The following BECN2 variants were observed in gnomAD, a reference collection of about 807,000 sequenced individuals.
The protein encoded by BECN2 is beclin 2, also known as beclin-2.
For missense variants in BECN2, 428 were observed against 507.9 expected, an observed-to-expected ratio of 0.84 and a Z score of 1.51; for synonymous variants, 173 against 220.1, an observed-to-expected ratio of 0.79 and a Z score of 1.90.
At position 241,958,046 on chromosome 1, in the gene BECN2, A is replaced by G. The variant is rs1443434758; in HGVS notation, c.280A>G (p.Ser94Gly). The G allele has an allele frequency of 1.6e-6, 2 of 1,231,994 alleles. No individual in the cohort carries two copies. Among genetic ancestry groups the G allele is most frequent in the Non-Finnish European group, 1.0e-6 (1 of 988,230 alleles). 76.3% of individuals were successfully genotyped at this position (1,231,994 alleles called of 1,614,324 possible). Reference sequence around the variant, plus strand: ...GGAGCTTGGCGCCATGCACATGCTCAGTAGCATCCAGAAGGCAGCTGGTGA... The same window carrying G: ...GGAGCTTGGCGCCATGCACATGCTCGGTAGCATCCAGAAGGCAGCTGGTGA... ...LGELGAMHML[S>G]SIQKAAGDIF... The change falls in exon 1 of 1, where the codon AGT becomes GGT. Residue 94 changes from serine (S) to glycine (G), a missense_variant. Physicochemically the swap from Ser to Gly is moderately conservative, Grantham distance 56. Transcript: ENST00000419583.
At position 241,958,117 on chromosome 1, in the gene BECN2, G is replaced by T; in HGVS notation, c.351G>T (p.Leu117=). 8.1e-7 allele frequency: 1 copy of T among 1,231,992 alleles called. No homozygotes were observed. The highest frequency in any genetic ancestry group is 3.2e-5 in the East Asian group (1 of 31,718). 76.3% of individuals were successfully genotyped at this position (1,231,992 alleles called of 1,614,324 possible). ...VSGQAVVDHP[L]CEECTDSLLE... ...GCCAAGCAGTTGTGGACCATCCCCT[G>T]TGTGAAGAATGCACCGACAGTCTTT... The change falls in exon 1 of 1, where the codon CTG becomes CTT. Residue 117 remains leucine (L), a synonymous_variant. Transcript: ENST00000419583.
Position 241,958,525 on chromosome 1 carries a change from C to A in BECN2, c.759C>A (p.Thr253=). 1 of 1,231,690 alleles carries A rather than the reference C, an allele frequency of 8.1e-7. No individual in the cohort carries two copies. The highest frequency in any genetic ancestry group is 3.1e-4 in the Middle Eastern group (1 of 3,208). The allele number at this position is 1,231,690 out of a possible 1,614,324, so 76.3% of individuals were successfully genotyped here. ...GGCTGAAGGAAATCAACTGTTTCAC[C>A]GCCACGTTTGAGATCTGGGTGGAGG... ...RDRLKEINCF[T]ATFEIWVEGP... The change falls in exon 1 of 1, where the codon ACC becomes ACA. Residue 253 remains threonine (T), a synonymous_variant. Transcript: ENST00000419583.
rs1394753871 is a variant in BECN2 at position 241,958,762 on chromosome 1, G to C, written c.996G>C (p.Pro332=). Residue 332 remains proline (P), a synonymous_variant, in exon 1 of 1, where the codon CCG becomes CCC. Coordinates refer to ENST00000419583, the MANE Select transcript of BECN2 (RefSeq NM_001290693.1). Reference sequence around the variant, plus strand: ...TAACAGATGACCGCACTGAGCTGCCGTTGTTCTGTTATGGGGGGCAGGATG... The same window carrying C: ...TAACAGATGACCGCACTGAGCTGCCCTTGTTCTGTTATGGGGGGCAGGATG... The part of the protein sequence containing the change: ...KSLTDDRTEL[P]LFCYGGQDVF... 8.1e-7 allele frequency: 1 copy of C among 1,231,670 alleles called. No individual in the cohort carries two copies. The highest frequency in any genetic ancestry group is 4.2e-5 in the Admixed American group (1 of 23,678). The allele number at this position is 1,231,670 out of a possible 1,614,324, so 76.3% of individuals were successfully genotyped here.
At position 241,958,530 on chromosome 1, in the gene BECN2, C is replaced by A. The variant is rs1356611528; in HGVS notation, c.764C>A (p.Thr255Lys). The A allele has an allele frequency of 8.1e-7, 1 of 1,231,654 alleles. No individual in the cohort carries two copies. Among genetic ancestry groups the A allele is most frequent in the Non-Finnish European group, 1.0e-6 (1 of 988,036 alleles). 76.3% of individuals were successfully genotyped at this position (1,231,654 alleles called of 1,614,324 possible). Residue 255 changes from threonine (T) to lysine (K), a missense_variant, in exon 1 of 1, where the codon ACG (threonine) becomes AAG (lysine). By Grantham distance (78) the Thr-to-Lys change is moderately conservative. Transcript: ENST00000419583. ...AAGGAAATCAACTGTTTCACCGCCA[C>A]GTTTGAGATCTGGGTGGAGGGCCCC... Reference protein sequence around the residue: ...RLKEINCFTATFEIWVEGPLG... With the variant: ...RLKEINCFTAKFEIWVEGPLG...
Position 241,958,408 on chromosome 1 carries a change from C to G in BECN2, c.642C>G (p.Asp214Glu). The change falls in exon 1 of 1, where the codon GAC (aspartate) becomes GAG (glutamate). Residue 214 changes from aspartate to glutamate, a missense_variant. Physicochemically the swap from Asp to Glu is conservative, Grantham distance 45. Coordinates refer to ENST00000419583, the MANE Select transcript of BECN2 (RefSeq NM_001290693.1). The part of the protein sequence containing the change: ...LDQQERQHYR[D>E]YSALKRQQLE... ...AGCAGGAGAGGCAGCACTACAGGGA[C>G]TACAGTGCCTTGAAGCGGCAGCAGC... 8.1e-7 allele frequency: 1 copy of G among 1,232,096 alleles called. No homozygotes were observed. The highest frequency in any genetic ancestry group is 1.0e-6 in the Non-Finnish European group (1 of 988,248). The allele number at this position is 1,232,096 out of a possible 1,614,324, so 76.3% of individuals were successfully genotyped here.
Position 241,958,375 on chromosome 1 carries a change from G to C in BECN2, c.609G>C (p.Glu203Asp). ...AGGCAGCCCAGGCAGAGGCTGCGGA[G>C]CTGGACCAGCAGGAGAGGCAGCACT... Reference protein sequence around the residue: ...DLQAAQAEAAELDQQERQHYR... With the variant: ...DLQAAQAEAADLDQQERQHYR... Residue 203 changes from glutamate to aspartate, a missense_variant, in exon 1 of 1, where the codon GAG becomes GAC. Physicochemically the swap from Glu to Asp is conservative, Grantham distance 45. Transcript: ENST00000419583. The C allele has an allele frequency of 8.1e-7, 1 of 1,232,890 alleles. No homozygotes were observed. The highest frequency in any genetic ancestry group is 3.1e-4 in the Middle Eastern group (1 of 3,210). 76.4% of individuals were successfully genotyped at this position (1,232,890 alleles called of 1,614,324 possible).
chr1:241,958,402 C>T lies in BECN2; in HGVS notation c.636C>T (p.Tyr212=). Residue 212 remains tyrosine, a synonymous_variant, in exon 1 of 1, where the codon TAC becomes TAT. Coordinates refer to ENST00000419583, the MANE Select transcript of BECN2 (RefSeq NM_001290693.1). ...AELDQQERQH[Y]RDYSALKRQQ... The stretch of plus-strand genomic sequence containing the variant: ...TGGACCAGCAGGAGAGGCAGCACTA[C>T]AGGGACTACAGTGCCTTGAAGCGGC... 1 of 1,232,372 alleles carries T rather than the reference C, an allele frequency of 8.1e-7. No individual in the cohort carries two copies. The highest frequency in any genetic ancestry group is 1.0e-6 in the Non-Finnish European group (1 of 988,492). 76.3% of individuals were successfully genotyped at this position (1,232,372 alleles called of 1,614,324 possible).
Position 241,958,757 on chromosome 1 carries a change from C to G in BECN2, c.991C>G (p.Leu331Val). 3 of 1,231,828 alleles carry G rather than the reference C, an allele frequency of 2.4e-6. No individual in the cohort carries two copies. The highest frequency in any genetic ancestry group is 3.0e-6 in the Non-Finnish European group (3 of 988,048). 76.3% of individuals were successfully genotyped at this position (1,231,828 alleles called of 1,614,324 possible). The change falls in exon 1 of 1, where the codon CTG (leucine) becomes GTG (valine). Residue 331 changes from leucine (L) to valine (V), a missense_variant. Physicochemically the swap from Leu to Val is conservative, Grantham distance 32. Transcript: ENST00000419583. The part of the protein sequence containing the change: ...LKSLTDDRTE[L>V]PLFCYGGQDV... Reference sequence around the variant, plus strand: ...GTCTTTAACAGATGACCGCACTGAGCTGCCGTTGTTCTGTTATGGGGGGCA... The same window carrying G: ...GTCTTTAACAGATGACCGCACTGAGGTGCCGTTGTTCTGTTATGGGGGGCA...
In BECN2 at chr1:241,958,602, G is replaced by A. The variant is rs61466879; in HGVS notation, c.836G>A (p.Arg279His). 3.2e-6 allele frequency: 4 copies of A among 1,231,660 alleles called. No homozygotes were observed. Among genetic ancestry groups the A allele is most frequent in the Admixed American group, 4.2e-5 (1 of 23,690 alleles). 76.3% of individuals were successfully genotyped at this position (1,231,660 alleles called of 1,614,324 possible). The part of the protein sequence containing the change: ...NFRLGRLPTV[R>H]VGWNEINTAW... The stretch of plus-strand genomic sequence containing the variant: ...AGGTTGGGCCGCCTCCCCACTGTCC[G>A]TGTGGGCTGGAATGAGATTAACACT... Residue 279 changes from arginine to histidine, a missense_variant, in exon 1 of 1, where the codon CGT becomes CAT. Transcript: ENST00000419583.
Position 241,958,684 on chromosome 1 carries a change from G to C in BECN2, c.918G>C (p.Gln306His), listed in dbSNP as rs1053554354. 1 of 1,231,828 alleles carries C rather than the reference G, an allele frequency of 8.1e-7. No individual in the cohort carries two copies. The highest frequency in any genetic ancestry group is 1.0e-6 in the Non-Finnish European group (1 of 988,030). The allele number at this position is 1,231,828 out of a possible 1,614,324, so 76.3% of individuals were successfully genotyped here. ...CCCTGGCCAATACAATTGGACTGCA[G>C]TTTCAGAGGTATCGACTCATCCCCT... ...LLTLANTIGL[Q>H]FQRYRLIPCG... The change falls in exon 1 of 1, where the codon CAG becomes CAC. Residue 306 changes from glutamine to histidine, a missense_variant. Coordinates refer to ENST00000419583, the MANE Select transcript of BECN2 (RefSeq NM_001290693.1).
rs1664465127 is a variant in BECN2, at chr1:241,958,466, A to G, written c.700A>G (p.Asn234Asp). 4.9e-6 allele frequency: 6 copies of G among 1,231,668 alleles called. No homozygotes were observed. Among genetic ancestry groups the G allele is most frequent in the African/African-American group, 1.6e-5 (1 of 64,412 alleles). 76.3% of individuals were successfully genotyped at this position (1,231,668 alleles called of 1,614,324 possible). A position where few individuals can be genotyped will look rare whatever the true frequency, so the allele number is the denominator to read the frequency against. The change falls in exon 1 of 1, where the codon AAC becomes GAC. Residue 234 changes from asparagine to aspartate, a missense_variant. Physicochemically the swap from Asn to Asp is conservative, Grantham distance 23. Coordinates refer to ENST00000419583, the MANE Select transcript of BECN2 (RefSeq NM_001290693.1). The part of the protein sequence containing the change: ...ELLDQLGNVE[N>D]QLQYARVQRD... The stretch of plus-strand genomic sequence containing the variant: ...GCTTGATCAGCTGGGGAACGTGGAG[A>G]ACCAGCTGCAGTATGCCAGGGTCCA...
Position 241,958,208 on chromosome 1 carries a change from G to C in BECN2, c.442G>C (p.Glu148Gln), listed in dbSNP as rs929465977. 1 of 1,232,404 alleles carries C rather than the reference G, an allele frequency of 8.1e-7. No homozygotes were observed. The highest frequency in any genetic ancestry group is 1.6e-5 in the African/African-American group (1 of 64,448). 76.3% of individuals were successfully genotyped at this position (1,232,404 alleles called of 1,614,324 possible). The change falls in exon 1 of 1, where the codon GAG (glutamate) becomes CAG (glutamine). Residue 148 changes from glutamate to glutamine, a missense_variant. Coordinates refer to ENST00000419583, the MANE Select transcript of BECN2 (RefSeq NM_001290693.1). The part of the protein sequence containing the change: ...ADSQNYQRCL[E>Q]TGELATSEDE... The stretch of plus-strand genomic sequence containing the variant: ...CAGTCAGAACTACCAACGCTGCCTG[G>C]AGACCGGGGAGCTGGCGACCAGCGA...
Position 241,958,552 on chromosome 1 carries a change from C to T in BECN2, c.786C>T (p.Gly262=). The T allele has an allele frequency of 8.1e-7, 1 of 1,231,782 alleles. No individual in the cohort carries two copies. The highest frequency in any genetic ancestry group is 3.2e-5 in the East Asian group (1 of 31,704). 76.3% of individuals were successfully genotyped at this position (1,231,782 alleles called of 1,614,324 possible). A position where few individuals can be genotyped will look rare whatever the true frequency, so the allele number is the denominator to read the frequency against. The stretch of plus-strand genomic sequence containing the variant: ...CCACGTTTGAGATCTGGGTGGAGGG[C>T]CCCTTGGGCGTCATCAATAACTTCA... ...FTATFEIWVE[G]PLGVINNFRL... The change falls in exon 1 of 1, where the codon GGC becomes GGT. Residue 262 remains glycine (G), a synonymous_variant. Transcript: ENST00000419583.
Position 241,957,823 on chromosome 1 carries a change from C to T in BECN2, c.57C>T (p.Gly19=). The stretch of plus-strand genomic sequence containing the variant: ...GCCACCAGGCCCTGAAGCTGAGCGG[C>T]TCCTCGGAGTCTAGGAGCCTCCCTG... ...QRCHQALKLS[G]SSESRSLPAA... Residue 19 remains glycine (G), a synonymous_variant, in exon 1 of 1, where the codon GGC becomes GGT. Coordinates refer to ENST00000419583, the MANE Select transcript of BECN2 (RefSeq NM_001290693.1). 1.6e-6 allele frequency: 2 copies of T among 1,231,832 alleles called. No homozygotes were observed. Among genetic ancestry groups the T allele is most frequent in the Non-Finnish European group, 2.0e-6 (2 of 988,034 alleles). The allele number at this position is 1,231,832 out of a possible 1,614,324, so 76.3% of individuals were successfully genotyped here. A position where few individuals can be genotyped will look rare whatever the true frequency, so the allele number is the denominator to read the frequency against.
chr1:241,957,886 A>AGACACCCGGGAGCCCGGC lies in BECN2; in HGVS notation c.122_139dup (p.Asp41_Gly46dup). On this transcript the variant is annotated inframe_insertion, in exon 1 of 1. Transcript: ENST00000419583. The stretch of plus-strand genomic sequence containing the variant: ...CCACCTCTGGGCAGGCTGAGCCCGG[A>AGACACCCGGGAGCCCGGC]GACACCCGGGAGCCCGGCGTCACCA... 8.1e-7 allele frequency: 1 copy of AGACACCCGGGAGCCCGGC among 1,231,312 alleles called. No individual in the cohort carries two copies. The highest frequency in any genetic ancestry group is 1.0e-6 in the Non-Finnish European group (1 of 988,032). The allele number at this position is 1,231,312 out of a possible 1,614,324, so 76.3% of individuals were successfully genotyped here. A position where few individuals can be genotyped will look rare whatever the true frequency, so the allele number is the denominator to read the frequency against.
chr1:241,958,285 G>A lies in BECN2; in HGVS notation c.519G>A (p.Glu173=). ...RAELRDLELE[E]ARLVQELEDV... is the part of the protein sequence containing the mutation. ...AGCTGCGGGACCTGGAGCTGGAGGA[G>A]GCCAGGCTGGTGCAGGAGCTGGAGG... Residue 173 remains glutamate, a synonymous_variant, in exon 1 of 1, where the codon GAG becomes GAA. Transcript: ENST00000419583. The A allele has an allele frequency of 8.1e-7, 1 of 1,233,998 alleles. No homozygotes were observed. The allele number at this position is 1,233,998 out of a possible 1,614,324, so 76.4% of individuals were successfully genotyped here.
chr1:241,958,182 A>G lies in BECN2; in HGVS notation c.416A>G (p.Asp139Gly), dbSNP rs1664457712. 1 of 1,232,266 alleles carries G rather than the reference A, an allele frequency of 8.1e-7. No homozygotes were observed. Among genetic ancestry groups the G allele is most frequent in the Non-Finnish European group, 1.0e-6 (1 of 988,302 alleles). The allele number at this position is 1,232,266 out of a possible 1,614,324, so 76.3% of individuals were successfully genotyped here. Reference protein sequence around the residue: ...LDIQLALTEADSQNYQRCLET... With the variant: ...LDIQLALTEAGSQNYQRCLET... The stretch of plus-strand genomic sequence containing the variant: ...ATCCAGCTCGCTCTCACAGAAGCTG[A>G]CAGTCAGAACTACCAACGCTGCCTG... The change falls in exon 1 of 1, where the codon GAC becomes GGC. Residue 139 changes from aspartate to glycine, a missense_variant. Transcript: ENST00000419583.
At chr1:241,958,879 CCT>C in the BECN2 span, 8 of 1,231,836 alleles carry the variant, frequency 6.5e-6, no homozygotes, top group Non-Finnish European at 8.1e-6. Flanking sequence ...GTGAGCTGGG[CCT>C]CTCTCTGCCC....
chr1:241,957,951 C>A lies in BECN2; in HGVS notation c.185C>A (p.Ala62Asp). 8.1e-7 allele frequency: 1 copy of A among 1,231,878 alleles called. No individual in the cohort carries two copies. Among genetic ancestry groups the A allele is most frequent in the Non-Finnish European group, 1.0e-6 (1 of 988,084 alleles). The allele number at this position is 1,231,878 out of a possible 1,614,324, so 76.3% of individuals were successfully genotyped here. A position where few individuals can be genotyped will look rare whatever the true frequency, so the allele number is the denominator to read the frequency against. ...GACGCTGAGGAGCAACAGGACGGTG[C>A]CTCTAGCAGATCCCCTCCAGGCGAT... ...VTDAEEQQDG[A>D]SSRSPPGDGS... Residue 62 changes from alanine (A) to aspartate (D), a missense_variant, in exon 1 of 1, where the codon GCC becomes GAC. By Grantham distance (126) the Ala-to-Asp change is moderately radical. Coordinates refer to ENST00000419583, the MANE Select transcript of BECN2 (RefSeq NM_001290693.1).
Sources: allele counts gnomAD v4.1 joint callset, GRCh38; gene constraint gnomAD v4.1.1; transcripts MANE v1.5; gene names NCBI Gene and HGNC (gene_info 2026-07-23, HGNC 2026-07-21).